Variants in MYO10 observed in about 807,000 individuals in gnomAD.
MYO10 encodes myosin X, also known as unconventional myosin-X.
MYO10 carries 133 observed loss-of-function variants against 257.3 expected under a neutral mutation model. The observed-to-expected ratio is 0.52, with a 90% CI of 0.45 to 0.60. MYO10 has a LOEUF of 0.60. Ranked by LOEUF, MYO10 falls within the 20% of genes least tolerant of loss-of-function variation. The pLI, the probability that MYO10 is intolerant of heterozygous loss-of-function variation, is 0.00. For missense variants in MYO10, 2,399 were observed against 2,635.7 expected, an observed-to-expected ratio of 0.91 and a Z score of 1.97; for synonymous variants, 1,104 against 1,028.6, an observed-to-expected ratio of 1.07 and a Z score of -1.40.
chr5:16,817,774 C>T (rs1742667408), intron 3 of MYO10, among the ~76,000 whole-genome samples: 1 of 152,176 alleles, frequency 6.6e-6, no homozygotes, highest in South Asian at 2.1e-4. Flanking sequence ...CAAACTACCT[C>T]GATGTGCAGA....
intron 2 of MYO10, among the ~76,000 whole-genome samples, chr5:16,875,556 CT>C (rs1296744706): frequency 6.6e-6 from 1 of 152,144 alleles, no homozygotes; most frequent in Non-Finnish European, 1.5e-5. Context: ...TTTGTTCCCC[CT>C]CTCTCCCCAT....
rs921223812 is a variant in MYO10 at position 16,817,863 on chromosome 5, G to C, written c.279+146C>G. ...TAGGAAAACATGATTTTTGACCCAA[G>C]TTTCTAATGTGGCAAATCCCTTGAA... On this transcript the variant is annotated intron_variant, in intron 3 of 40. Transcript: ENST00000513610. The C allele has an allele frequency of 1.7e-5, 13 of 773,416 alleles. No individual in the cohort carries two copies. In the African/African-American group the frequency reaches 2.1e-4, roughly 13 times the overall value. 47.9% of individuals were successfully genotyped at this position (773,416 alleles called of 1,614,324 possible).
chr5:16,764,504 G>A (rs550890667), intron 11 of MYO10, 108 bp from the exon 12 acceptor site: 51 of 1,213,436 alleles, frequency 4.2e-5, no homozygotes, highest in South Asian at 4.2e-4. Flanking sequence ...ATAGCATCTG[G>A]CCCTCCAGTG....
chr5:16,846,729 TA>T (rs1424843178), intron 2 of MYO10, among the ~76,000 whole-genome samples: 6 of 152,362 alleles, frequency 3.9e-5, no homozygotes, highest in Middle Eastern at 3.4e-3. Flanking sequence ...GACACATCCC[TA>T]AGCAGGCTCA....
At chr5:16,802,012 G>GAATTATGA (rs1184648170) in intron 3 of MYO10, among the ~76,000 whole-genome samples, 1 of 152,130 alleles carries the variant, frequency 6.6e-6, no homozygotes, top group Non-Finnish European at 1.5e-5. Context: ...TATGCTAAGT[G>GAATTATGA]AATTATGACA....
chr5:16,831,396 T>A (rs1290720979), intron 2 of MYO10, among the ~76,000 whole-genome samples: 3 of 152,048 alleles, frequency 2.0e-5, no homozygotes, highest in Non-Finnish European at 2.9e-5. Context: ...AAGAAGTCAT[T>A]ATACAAAAAA....
chr5:16,784,965 G>T (rs764183702), intron 4 of MYO10, among the ~76,000 whole-genome samples: 1 of 150,924 alleles, frequency 6.6e-6, no homozygotes, highest in Non-Finnish European at 1.5e-5. Context: ...ACATAATGTC[G>T]TAATGTCAAG....
intron 3 of MYO10, among the ~76,000 whole-genome samples, chr5:16,796,315 AAG>A (rs1333145617): frequency 1.3e-4 from 5 of 38,150 alleles, no homozygotes; most frequent in East Asian, 1.2e-3. Context: ...AAGAAAGGGA[AAG>A]AGAGGAAGAA....
chr5:16,676,175 C>CTT, intron 33 of MYO10, 21 bp from the exon 34 acceptor site: 1 of 1,609,752 alleles, frequency 6.2e-7, no homozygotes, highest in Non-Finnish European at 8.5e-7. Flanking sequence ...AGCAAGCAAG[C>CTT]TTATTGTAAG....
In MYO10 at chr5:16,683,886, G is replaced by A. The variant is rs779952088; in HGVS notation, c.4040C>T (p.Pro1347Leu). 2.5e-6 allele frequency: 4 copies of A among 1,613,714 alleles called. No individual in the cohort carries two copies. In the South Asian group the frequency reaches 4.4e-5, roughly 18 times the overall value. ...GAGCCACATCTGAGCTTACCTATCA[G>A]GGCTGTCAGAGGCACACACAGAATC... is the stretch of plus-strand genomic sequence containing the variant. ...LIDSVCASDS[P>L]DRPNSFVIIT... Residue 1347 changes from proline (P) to leucine (L), a missense_variant, in exon 30 of 41, where the codon CCT (proline) becomes CTT (leucine). Physicochemically the swap from Pro to Leu is moderately conservative, Grantham distance 98. Transcript: ENST00000513610.
Position 16,877,635 on chromosome 5 carries a change from C to A in MYO10, c.94G>T (p.Val32Phe), listed in dbSNP as rs17707947. ...TGACCATAGTCTGTCCGGAAGACGACGATGCCTTCTGCACAGGAATTTACA... is the reference window on the plus strand; with the variant it reads ...TGACCATAGTCTGTCCGGAAGACGAAGATGCCTTCTGCACAGGAATTTACA... ...STVNSCAEGI[V>F]VFRTDYGQVF... The change falls in exon 2 of 41, where the codon GTC (valine) becomes TTC (phenylalanine). Residue 32 changes from valine to phenylalanine, a missense_variant. Physicochemically the swap from Val to Phe is conservative, Grantham distance 50. Transcript: ENST00000513610. 3.1e-6 allele frequency: 5 copies of A among 1,613,612 alleles called. No individual in the cohort carries two copies. Among genetic ancestry groups the A allele is most frequent in the Non-Finnish European group, 4.2e-6 (5 of 1,179,708 alleles).
intron 14 of MYO10, among the ~76,000 whole-genome samples, chr5:16,762,906 G>A (rs530885670): frequency 6.6e-6 from 1 of 150,948 alleles, no homozygotes. Flanking sequence ...GGAGGTTGCA[G>A]TGAGCCAAGT....
chr5:16,777,014 A>C (rs1741233730), intron 9 of MYO10, among the ~76,000 whole-genome samples: 1 of 152,210 alleles, frequency 6.6e-6, no homozygotes, highest in Admixed American at 6.5e-5. Context: ...TGCTCCTCAA[A>C]AACGAGAATG....
chr5:16,786,671 A>G (rs929408865), intron 4 of MYO10, among the ~76,000 whole-genome samples: 1 of 152,124 alleles, frequency 6.6e-6, no homozygotes, highest in Non-Finnish European at 1.5e-5. Context: ...AAAACATTGG[A>G]AAAAACCTGA....
chr5:16,894,310 G>A (rs1198117365), intron 1 of MYO10, among the ~76,000 whole-genome samples: 1 of 152,168 alleles, frequency 6.6e-6, no homozygotes. Context: ...GGTATTCTGT[G>A]AAACATCCCT....
At chr5:16,683,319 CAG>C (rs746131838) in intron 30 of MYO10, among the ~76,000 whole-genome samples, 5 of 152,082 alleles carry the variant, frequency 3.3e-5, no homozygotes, top group Admixed American at 6.5e-5. Context: ...TACAGAAAAA[CAG>C]AGACAATAAA....
intron 4 of MYO10, among the ~76,000 whole-genome samples, chr5:16,792,509 C>A (rs1741796934): frequency 6.6e-6 from 1 of 152,122 alleles, no homozygotes; most frequent in South Asian, 2.1e-4. Flanking sequence ...CATCCATTTC[C>A]CTGCCCCAGG....
intron 28 of MYO10, 110 bp downstream of exon 28, chr5:16,689,711 AGTC>A: frequency 1.3e-6 from 1 of 792,768 alleles, no homozygotes. Flanking sequence ...CTTCAAAAAA[AGTC>A]AATTAAAATT....
intron 39 of MYO10, among the ~76,000 whole-genome samples, chr5:16,668,977 A>G (rs1335649961): frequency 1.3e-5 from 2 of 152,180 alleles, no homozygotes; most frequent in Non-Finnish European, 2.9e-5. Flanking sequence ...CACAAGGAGC[A>G]GCAATGGCCT....
Sources: gnomAD v4.1 joint callset for allele counts (sites outside exome capture counted in the v4.1 genomes callset) on GRCh38, gnomAD v4.1.1 for gene constraint, MANE v1.5 for transcripts, NCBI Gene and HGNC (gene_info 2026-07-23, HGNC 2026-07-21) for gene names.